ARHGAP24: variants seen among roughly 807,000 people sequenced by gnomAD.
ARHGAP24 encodes the protein rho GTPase-activating protein 24.
In ARHGAP24, 50 loss-of-function variants were observed where a neutral mutation model predicts 76.4. The observed-to-expected ratio is 0.65, with a 90% CI of 0.52 to 0.83. The LOEUF (loss-of-function observed/expected upper bound fraction) is 0.83. ARHGAP24 is among the 40% of genes least tolerant of loss of function. ARHGAP24 has a pLI of 0.00. For synonymous variants in ARHGAP24, 345 were observed against 323.3 expected, an observed-to-expected ratio of 1.07 and a Z score of -0.72; for missense variants, 930 against 914.2, an observed-to-expected ratio of 1.02 and a Z score of -0.22.
intron 3 of ARHGAP24, among the ~76,000 whole-genome samples, chr4:85,866,301 G>A (rs532792080): frequency 6.6e-6 from 1 of 152,218 alleles, no homozygotes; most frequent in Admixed American, 6.5e-5. Context: ...TGAATCAGAA[G>A]TTCGTCTCTA....
intron 2 of ARHGAP24, among the ~76,000 whole-genome samples, chr4:85,619,662 A>G (rs958946624): frequency 6.6e-6 from 1 of 151,958 alleles, no homozygotes; most frequent in Non-Finnish European, 1.5e-5. Flanking sequence ...TTCAGGATAC[A>G]GATATTTCAC....
At chr4:85,917,168 T>A (rs1735455679) in intron 3 of ARHGAP24, among the ~76,000 whole-genome samples, 1 of 152,108 alleles carries the variant, frequency 6.6e-6, no homozygotes, top group Non-Finnish European at 1.5e-5. Flanking sequence ...CAGTGTTTGG[T>A]TTTTTGTCCT....
chr4:85,888,216 C>A (rs141056684), intron 3 of ARHGAP24, among the ~76,000 whole-genome samples: 3,630 of 152,022 alleles, frequency 0.024, 65 homozygotes, highest in Middle Eastern at 0.034. Context: ...GCCTGGGCAA[C>A]ATGGTGAAAC....
intron 3 of ARHGAP24, among the ~76,000 whole-genome samples, chr4:85,890,091 A>G (rs911986880): frequency 1.3e-5 from 2 of 152,154 alleles, no homozygotes; most frequent in African/African-American, 4.8e-5. Flanking sequence ...TGAAAAGTCA[A>G]CCTGAGAAAA....
intron 2 of ARHGAP24, among the ~76,000 whole-genome samples, chr4:85,621,675 G>T (rs1455944349): frequency 6.6e-6 from 1 of 151,946 alleles, no homozygotes; most frequent in Non-Finnish European, 1.5e-5. Flanking sequence ...TCCTTCATCA[G>T]ATTTATAGTT....
intron 2 of ARHGAP24, among the ~76,000 whole-genome samples, chr4:85,659,505 A>G (rs1043742645): frequency 2.6e-5 from 4 of 152,230 alleles, no homozygotes; most frequent in Non-Finnish European, 4.4e-5. Context: ...GGCCTAACAT[A>G]GCTTCTGGTA....
chr4:85,935,765 G>A (rs562709058), intron 4 of ARHGAP24, among the ~76,000 whole-genome samples: 6 of 152,262 alleles, frequency 3.9e-5, no homozygotes, highest in African/African-American at 1.2e-4. Context: ...AACCTAGTGT[G>A]TATAATTGCT....
Position 85,838,414 on chromosome 4 carries a change from A to G in ARHGAP24, c.269-85234A>G, listed in dbSNP as rs552994745. Among the ~76,000 whole-genome samples the G allele has an allele frequency of 8.5e-5, 13 of 152,282 alleles. 1 individual carries two copies. The South Asian group carries it at 2.7e-3, about 32-fold the overall frequency. On this transcript the variant is annotated intron_variant, in intron 3 of 9. Transcript: ENST00000395184. ...GGATCAAAACCATCCTGGCTAACAC[A>G]GTGAAACCCCATCTCTACTAAAAAT...
intron 2 of ARHGAP24, among the ~76,000 whole-genome samples, chr4:85,612,744 A>G (rs1560552705): frequency 6.6e-6 from 1 of 151,328 alleles, no homozygotes; most frequent in African/African-American, 2.4e-5. Context: ...AAAGAAAGAA[A>G]ATGTTACAGA....
At chr4:85,984,759 T>C (rs1739880003) in intron 8 of ARHGAP24, among the ~76,000 whole-genome samples, 1 of 152,228 alleles carries the variant, frequency 6.6e-6, no homozygotes, top group Admixed American at 6.5e-5. Context: ...GAATCTTTGA[T>C]AACTATTGAG....
intron 1 of ARHGAP24, among the ~76,000 whole-genome samples, chr4:85,524,797 T>C (rs1252765488): frequency 6.6e-6 from 1 of 152,054 alleles, no homozygotes; most frequent in Non-Finnish European, 1.5e-5. Flanking sequence ...TGAATTACTG[T>C]AACTGGTGGC....
At chr4:85,931,093 C>A (rs1054052053) in intron 4 of ARHGAP24, 5 of 1,533,052 alleles carry the variant, frequency 3.3e-6, no homozygotes, top group Non-Finnish European at 4.4e-6. Flanking sequence ...ATAATATTAT[C>A]TTAGGCTTTA....
rs981863615 is a variant in ARHGAP24 at position 85,483,606 on chromosome 4, C to A, written c.-21+8047C>A. On this transcript the variant is annotated intron_variant, in intron 1 of 9. Transcript: ENST00000395184. The stretch of plus-strand genomic sequence containing the variant: ...CAGCCTGGGCAACAAGAGCGAAACT[C>A]CATCTCAAAAATAAATAAATAAATA... 5.3e-5 allele frequency among the ~76,000 whole-genome samples: 8 copies of A among 151,400 alleles called. No homozygotes were observed. The South Asian group carries it at 1.3e-3, about 24-fold the overall frequency.
At chr4:85,902,776 G>T (rs975359439) in intron 3 of ARHGAP24, among the ~76,000 whole-genome samples, 5 of 152,224 alleles carry the variant, frequency 3.3e-5, no homozygotes, top group African/African-American at 1.2e-4. Context: ...TCTAATTTTT[G>T]TATTTTTATT....
At chr4:85,685,549 C>T (rs1378913831) in intron 2 of ARHGAP24, among the ~76,000 whole-genome samples, 1 of 151,154 alleles carries the variant, frequency 6.6e-6, no homozygotes. Flanking sequence ...AGGAGAATGG[C>T]GTGAACCCAG....
intron 1 of ARHGAP24, among the ~76,000 whole-genome samples, chr4:85,536,223 G>C (rs868112775): frequency 2.0e-5 from 3 of 151,952 alleles, no homozygotes; most frequent in Non-Finnish European, 2.9e-5. Flanking sequence ...CCACACAAAT[G>C]AATATAAAAC....
chr4:85,639,614 T>C (rs1368948939), intron 2 of ARHGAP24, among the ~76,000 whole-genome samples: 1 of 152,132 alleles, frequency 6.6e-6, no homozygotes, highest in Non-Finnish European at 1.5e-5. Context: ...GTAATTTCTT[T>C]TTGTTTTCCT....
chr4:85,729,548 A>G (rs188059106), intron 3 of ARHGAP24, among the ~76,000 whole-genome samples: 90 of 152,266 alleles, frequency 5.9e-4, no homozygotes, highest in African/African-American at 2.1e-3. Flanking sequence ...AAGTGTCCCT[A>G]TGAGGAGTGA....
At chr4:85,882,404 T>G (rs975021129) in intron 3 of ARHGAP24, among the ~76,000 whole-genome samples, 1 of 152,186 alleles carries the variant, frequency 6.6e-6, no homozygotes, top group African/African-American at 2.4e-5. Context: ...TCTATGACTC[T>G]AGAATGGAAA....
Sources: allele counts gnomAD v4.1 joint callset (sites outside exome capture counted in the v4.1 genomes callset), GRCh38; gene constraint gnomAD v4.1.1; transcripts MANE v1.5; gene names NCBI Gene and HGNC (gene_info 2026-07-23, HGNC 2026-07-21).